The following DOCK8 variants were observed in gnomAD, a reference collection of about 807,000 sequenced individuals.
The protein encoded by DOCK8 is dedicator of cytokinesis protein 8.
A neutral mutation model predicts 245.6 loss-of-function variants in DOCK8; 141 were observed. The observed-to-expected ratio is 0.57, with a 90% CI of 0.50 to 0.66. DOCK8 has a LOEUF of 0.66. DOCK8 is among the 30% of genes least tolerant of loss of function. The pLI is 0.00. For synonymous variants in DOCK8, 1,168 were observed against 970.2 expected, an observed-to-expected ratio of 1.20 and a Z score of -3.79; for missense variants, 2,965 against 2,603.4, an observed-to-expected ratio of 1.14 and a Z score of -3.02.
At chr9:426,199 A>C (rs920080405) in intron 33 of DOCK8, among the ~76,000 whole-genome samples, 7 of 152,192 alleles carry the variant, frequency 4.6e-5, no homozygotes, top group Admixed American at 2.6e-4. Flanking sequence ...CCTTAAAGTG[A>C]AACCTAATAG....
At chr9:432,019 C>T (rs2056731358) in intron 36 of DOCK8, 147 bp from the exon 37 acceptor site, 2 of 781,908 alleles carry the variant, frequency 2.6e-6, no homozygotes, top group South Asian at 1.6e-5. Flanking sequence ...AAGTGTAGCT[C>T]CCATTTCATT....
intron 18 of DOCK8, among the ~76,000 whole-genome samples, chr9:372,930 C>T (rs1985701): frequency 0.52 from 78,948 of 151,812 alleles, 23,719 homozygotes; most frequent in East Asian, 0.82. Flanking sequence ...TTTGGGAGGC[C>T]GAGGCAGGCA....
chr9:325,088 T>G (rs1304524151), intron 7 of DOCK8, among the ~76,000 whole-genome samples: 1 of 152,188 alleles, frequency 6.6e-6, no homozygotes, highest in Admixed American at 6.5e-5. Flanking sequence ...CCTGAGTTAC[T>G]TCACTCAGAA....
At chr9:335,869 A>T (rs2051284462) in intron 11 of DOCK8, among the ~76,000 whole-genome samples, 1 of 152,196 alleles carries the variant, frequency 6.6e-6, no homozygotes, top group South Asian at 2.1e-4. Flanking sequence ...ATAAGAAGAT[A>T]CTCAAAGACG....
chr9:405,273 G>A (rs1350947965), intron 27 of DOCK8, among the ~76,000 whole-genome samples, 200 bp downstream of exon 27: 3 of 152,090 alleles, frequency 2.0e-5, no homozygotes, highest in African/African-American at 7.2e-5. Flanking sequence ...TTCTCCCCAG[G>A]CTCAAGGCTC....
At chr9:293,559 A>G (rs1046326406) in intron 4 of DOCK8, among the ~76,000 whole-genome samples, 6 of 152,240 alleles carry the variant, frequency 3.9e-5, no homozygotes, top group Non-Finnish European at 8.8e-5. Context: ...ATTTCTGTAT[A>G]GACACTGACC....
chr9:366,673 T>C (rs2053016153), intron 14 of DOCK8: 1 of 151,896 alleles, frequency 6.6e-6, no homozygotes, highest in Non-Finnish European at 1.5e-5. Flanking sequence ...GAAAGAAGAG[T>C]CTTTCTCCTT....
intron 28 of DOCK8, among the ~76,000 whole-genome samples, chr9:411,437 T>C (rs7032064): frequency 0.42 from 64,080 of 151,418 alleles, 14,150 homozygotes; most frequent in African/African-American, 0.54. Flanking sequence ...AATAATAATA[T>C]ATTTTAAAAT....
chr9:413,643 A>G (rs1445363831), intron 28 of DOCK8, among the ~76,000 whole-genome samples: 1 of 152,248 alleles, frequency 6.6e-6, no homozygotes, highest in East Asian at 1.9e-4. Context: ...CCATAAGACC[A>G]TGAAGATGTT....
intron 34 of DOCK8, 66 bp downstream of exon 34, chr9:427,047 T>C (rs1734396153): frequency 6.5e-6 from 9 of 1,380,130 alleles, no homozygotes; most frequent in Non-Finnish European, 8.2e-6. Flanking sequence ...TAAGGACTTC[T>C]TTATGCAAAA....
At chr9:301,103 A>G (rs542937396) in intron 4 of DOCK8, among the ~76,000 whole-genome samples, 1 of 152,286 alleles carries the variant, frequency 6.6e-6, no homozygotes, top group African/African-American at 2.4e-5. Flanking sequence ...ACAAAATACT[A>G]CAAACCAAAT....
intron 39 of DOCK8, among the ~76,000 whole-genome samples, chr9:435,727 A>C (rs1427184945): frequency 6.6e-6 from 1 of 152,248 alleles, no homozygotes; most frequent in Non-Finnish European, 1.5e-5. Context: ...ATTGTCTGCC[A>C]GACCTAAAAG....
rs746657752 is a variant in DOCK8, at chr9:382,467, C to T, written c.2606-46C>T. 1.5e-5 allele frequency: 24 copies of T among 1,611,526 alleles called. No individual in the cohort carries two copies. The South Asian group carries it at 2.6e-4, about 18-fold the overall frequency. ...ATTCCTTCTTAAACTCAGTAAGTAA[C>T]TCTGTTCCCCTGTCTGTTGACATGT... On this transcript the variant is annotated intron_variant, in intron 21 of 47. Transcript: ENST00000432829.
At chr9:268,022 C>G (rs1012320373) in intron 1 of DOCK8, 4 of 152,142 alleles carry the variant, frequency 2.6e-5, no homozygotes, top group African/African-American at 9.7e-5. Context: ...TACAACCCCA[C>G]CAGGGGTGTG....
chr9:329,646 C>T (rs532758819), intron 9 of DOCK8, among the ~76,000 whole-genome samples: 10 of 152,250 alleles, frequency 6.6e-5, no homozygotes, highest in African/African-American at 2.4e-4. Flanking sequence ...TATGATAGCC[C>T]TGTAGGTAAG....
chr9:434,703 AG>A (rs1182406162), intron 38 of DOCK8, 79 bp from the exon 39 acceptor site: 1 of 1,502,958 alleles, frequency 6.7e-7, no homozygotes, highest in Non-Finnish European at 9.1e-7. Context: ...GGAGAAAAAA[AG>A]AAAAGGTCAC....
At chr9:307,682 T>G (rs1437214994) in intron 5 of DOCK8, among the ~76,000 whole-genome samples, 1 of 151,992 alleles carries the variant, frequency 6.6e-6, no homozygotes, top group Non-Finnish European at 1.5e-5. Context: ...AAGAGCCAAC[T>G]TGATCATATG....
upstream of DOCK8, among the ~76,000 whole-genome samples, chr9:212,194 C>T (rs543458444): frequency 3.9e-5 from 6 of 152,088 alleles, no homozygotes; most frequent in Non-Finnish European, 8.8e-5. Flanking sequence ...GTACCCGGTA[C>T]AAGATAAGTG....
rs1424175961 is a variant in DOCK8, at chr9:443,478, T to C, written c.5542T>C (p.Ser1848Pro). ...GAEFVEVIKDSTPVDKTKLDP... is the reference protein window; with the variant it reads ...GAEFVEVIKDPTPVDKTKLDP... ...AGAATTTGTGGAAGTGATTAAAGAC[T>C]CCACTCCTGTGGACAAAACCAAGTT... Residue 1848 changes from serine (S) to proline (P), a missense_variant, in exon 43 of 48, where the codon TCC (serine) becomes CCC (proline). Physicochemically the swap from Ser to Pro is moderately conservative, Grantham distance 74. Transcript: ENST00000432829. 11 of 1,613,972 alleles carry C rather than the reference T, an allele frequency of 6.8e-6. No individual in the cohort carries two copies. The highest frequency in any genetic ancestry group is 9.3e-6 in the Non-Finnish European group (11 of 1,179,996).
Sources: gnomAD v4.1 joint callset for allele counts (sites outside exome capture counted in the v4.1 genomes callset) on GRCh38, gnomAD v4.1.1 for gene constraint, MANE v1.5 for transcripts, NCBI Gene and HGNC (gene_info 2026-07-23, HGNC 2026-07-21) for gene names.